The following AUTS2 variants were observed in gnomAD, a reference collection of about 807,000 sequenced individuals.
The protein encoded by AUTS2 is activator of transcription and developmental regulator AUTS2.
Under a neutral mutation model 112.4 loss-of-function variants are expected in AUTS2, and 17 were observed. That is an observed-to-expected ratio of 0.15 (90% CI 0.10 to 0.23). AUTS2 has a LOEUF of 0.23. AUTS2 is among the 10% of genes least tolerant of loss of function. The pLI is 1.00. For synonymous variants in AUTS2, 751 were observed against 702.7 expected, an observed-to-expected ratio of 1.07 and a Z score of -1.09; for missense variants, 1,510 against 1,701.6, an observed-to-expected ratio of 0.89 and a Z score of 1.98.
chr7:70,781,742 T>C lies in AUTS2; in HGVS notation c.2132T>C (p.Leu711Ser), dbSNP rs1367313636. 6.2e-7 allele frequency: 1 copy of C among 1,614,072 alleles called. No individual in the cohort carries two copies. Among genetic ancestry groups the C allele is most frequent in the Non-Finnish European group, 8.5e-7 (1 of 1,179,980 alleles). Residue 711 changes from leucine (L) to serine (S), a missense_variant, in exon 15 of 19, where the codon TTG (leucine) becomes TCG (serine). Physicochemically the swap from Leu to Ser is moderately radical, Grantham distance 145 (BLOSUM62 -2). This residue lies in a region of AUTS2 where 788 missense variants were observed against 797.6 expected (regional missense o/e 0.99). Transcript: ENST00000342771. ...HPHDLARPST[L>S]FSAAGAAHPT... ...CATGACCTGGCACGGCCTTCAACTT[T>C]GTTCTCTGCCGCTGGTGAGTGTGGG...
At chr7:70,602,375 C>A (rs1403413864) in intron 5 of AUTS2, among the ~76,000 whole-genome samples, 3 of 152,180 alleles carry the variant, frequency 2.0e-5, no homozygotes, top group Non-Finnish European at 4.4e-5. Flanking sequence ...TACATTGACA[C>A]CTGACCCAGT....
intron 5 of AUTS2, among the ~76,000 whole-genome samples, chr7:70,594,437 C>A (rs113507940): frequency 6.6e-6 from 1 of 152,132 alleles, no homozygotes; most frequent in East Asian, 1.9e-4. Flanking sequence ...TGGAGAGAAC[C>A]GGTGATTTGA....
At chr7:70,682,154 A>G (rs1339204733) in intron 5 of AUTS2, among the ~76,000 whole-genome samples, 2 of 152,216 alleles carry the variant, frequency 1.3e-5, no homozygotes, top group Non-Finnish European at 2.9e-5. Context: ...TTCAGTTTCT[A>G]TTTGAAACTG....
intron 6 of AUTS2, among the ~76,000 whole-genome samples, chr7:70,707,687 A>G (rs1001578036): frequency 6.6e-6 from 1 of 152,180 alleles, no homozygotes; most frequent in Non-Finnish European, 1.5e-5. Flanking sequence ...CAGGATGTCA[A>G]CCATTATCCC....
chr7:70,515,714 CT>C (rs60661704), intron 5 of AUTS2, among the ~76,000 whole-genome samples: 2,232 of 151,496 alleles, frequency 0.015, 61 homozygotes, highest in African/African-American at 0.051. Flanking sequence ...TCTCTTTTCT[CT>C]TTTTTTTTAA....
At chr7:69,854,696 C>A (rs557885987) in intron 1 of AUTS2, among the ~76,000 whole-genome samples, 11 of 152,132 alleles carry the variant, frequency 7.2e-5, no homozygotes, top group African/African-American at 2.6e-4. Context: ...TCTCATTTCT[C>A]TGTTGGAGTG....
intron 5 of AUTS2, among the ~76,000 whole-genome samples, chr7:70,598,387 C>T (rs1803303437): frequency 6.6e-6 from 1 of 152,174 alleles, no homozygotes; most frequent in South Asian, 2.1e-4. Context: ...TTTTATTTCC[C>T]ATGAAATTGT....
At chr7:70,775,101 G>T in intron 12 of AUTS2, 1 of 511,490 alleles carries the variant, frequency 2.0e-6, no homozygotes, top group Admixed American at 3.8e-5. Context: ...CATGTTGCCA[G>T]AGGGCACATT....
At chr7:70,756,699 T>TG in intron 6 of AUTS2, among the ~76,000 whole-genome samples, 1 of 152,148 alleles carries the variant, frequency 6.6e-6, no homozygotes, top group Non-Finnish European at 1.5e-5. Context: ...CACAAATACA[T>TG]GGTCATGGAG....
chr7:70,598,525 C>G (rs1202963389), intron 5 of AUTS2, among the ~76,000 whole-genome samples: 2 of 152,194 alleles, frequency 1.3e-5, no homozygotes, highest in African/African-American at 4.8e-5. Context: ...CTTCATATCG[C>G]TCCTTTTTCC....
chr7:70,100,534 T>C (rs1417448064), intron 2 of AUTS2, among the ~76,000 whole-genome samples: 3 of 151,922 alleles, frequency 2.0e-5, no homozygotes, highest in African/African-American at 7.2e-5. Context: ...ACCCATCACC[T>C]CATCATTTAC....
chr7:70,644,246 A>G (rs1335310451), intron 5 of AUTS2, among the ~76,000 whole-genome samples: 1 of 152,198 alleles, frequency 6.6e-6, no homozygotes, highest in African/African-American at 2.4e-5. Context: ...TAAGTGATAC[A>G]TGCTAACAAT....
chr7:69,818,767 G>C (rs1192875700), intron 1 of AUTS2, among the ~76,000 whole-genome samples: 1 of 152,182 alleles, frequency 6.6e-6, no homozygotes, highest in East Asian at 1.9e-4. Context: ...TGGCGATAAA[G>C]AAGAGAGAGT....
chr7:69,762,041 C>A (rs1343927119), intron 1 of AUTS2, among the ~76,000 whole-genome samples: 2 of 152,042 alleles, frequency 1.3e-5, no homozygotes, highest in Non-Finnish European at 2.9e-5. Flanking sequence ...AATTTATATC[C>A]TAGTGGACTA....
intron 4 of AUTS2, among the ~76,000 whole-genome samples, chr7:70,230,750 T>G (rs919612122): frequency 6.6e-6 from 1 of 152,236 alleles, no homozygotes; most frequent in African/African-American, 2.4e-5. Context: ...CTATTAATTT[T>G]CTGACTGGCC....
intron 1 of AUTS2, among the ~76,000 whole-genome samples, chr7:69,743,117 T>C (rs1194503234): frequency 1.3e-5 from 2 of 152,186 alleles, no homozygotes; most frequent in Non-Finnish European, 1.5e-5. Flanking sequence ...CTCACTTACC[T>C]GAAAATTGTT....
At chr7:70,171,911 G>C (rs1342802829) in intron 4 of AUTS2, among the ~76,000 whole-genome samples, 2 of 151,396 alleles carry the variant, frequency 1.3e-5, no homozygotes, top group Non-Finnish European at 2.9e-5. Context: ...TTTTTGGGGG[G>C]GGGTAGTTTT....
At chr7:69,621,802 T>A (rs993266199) in intron 1 of AUTS2, among the ~76,000 whole-genome samples, 4 of 152,146 alleles carry the variant, frequency 2.6e-5, no homozygotes, top group Non-Finnish European at 4.4e-5. Context: ...TAATCTTTGG[T>A]AGGCGTACTT....
chr7:70,605,359 A>G (rs546881350), intron 5 of AUTS2, among the ~76,000 whole-genome samples: 1 of 152,288 alleles, frequency 6.6e-6, no homozygotes, highest in Admixed American at 6.5e-5. Context: ...TATGGCATTC[A>G]TGTTCACAGG....
Sources: allele counts gnomAD v4.1 joint callset (sites outside exome capture counted in the v4.1 genomes callset), GRCh38; gene constraint gnomAD v4.1.1; regional missense constraint gnomAD v4.1.1; transcripts MANE v1.5; gene names NCBI Gene and HGNC (gene_info 2026-07-23, HGNC 2026-07-21).